Variants in C1orf159 observed in about 807,000 individuals in gnomAD.
C1orf159 encodes chromosome 1 open reading frame 159, also known as uncharacterized protein C1orf159.
C1orf159 carries 19 observed loss-of-function variants against 25.6 expected under a neutral mutation model. That is an observed-to-expected ratio of 0.74 (90% CI 0.52 to 1.09). The LOEUF is 1.09. Among genes scored for constraint, C1orf159 ranks in the 50% least tolerant of loss-of-function variants. C1orf159 has a pLI of 0.00. For missense variants in C1orf159, 274 were observed against 290.6 expected (o/e 0.94, Z 0.42); for synonymous variants, 139 against 124.7 (o/e 1.12, Z -0.77).
rs1189374651 is a variant in C1orf159 at position 1,110,431 on chromosome 1, A to G, written c.-136+5629T>C. Among the ~76,000 whole-genome samples the G allele has an allele frequency of 6.6e-6, 1 of 152,212 alleles. No homozygotes were observed. Among genetic ancestry groups the G allele is most frequent in the African/African-American group, 2.4e-5 (1 of 41,450 alleles). ...CACGTACCAGACAAAAGCCCTGAAT[A>G]TGGAATATATAAAGGACTTTCACAA... On this transcript the variant is annotated intron_variant, in intron 1 of 9. Transcript: ENST00000421241. This position sits in a 1 kb window ranked among gnomAD's most constrained non-coding sequence, Gnocchi z 4.8.
At position 1,110,895 on chromosome 1, in the gene C1orf159, G is replaced by A. The variant is rs1646248539; in HGVS notation, c.-136+5165C>T. 6.6e-6 allele frequency among the ~76,000 whole-genome samples: 1 copy of A among 152,254 alleles called. No individual in the cohort carries two copies. The highest frequency in any genetic ancestry group is 2.4e-5 in the African/African-American group (1 of 41,468). The stretch of plus-strand genomic sequence containing the variant: ...CCGCACGTGTGACTCCTAACACTCA[G>A]AGTGTCGGTAAAATCACAGCAGCGC... On this transcript the variant is annotated intron_variant, in intron 1 of 9. Transcript: ENST00000421241. This position sits in a 1 kb window ranked among gnomAD's most constrained non-coding sequence, Gnocchi z 4.8.
At position 1,093,037 on chromosome 1, in the gene C1orf159, C is replaced by CA. The variant is rs1339912282; in HGVS notation, c.-135-935dup. Among the ~76,000 whole-genome samples the CA allele has an allele frequency of 5.0e-3, 717 of 142,390 alleles. 4 individuals are homozygous for CA. The highest frequency in any genetic ancestry group is 0.015 in the African/African-American group (564 of 38,876). 93.4% of individuals were successfully genotyped at this position (142,390 alleles called of 152,430 possible). ...AGCCTGTGCAAGGGGAACTCCGTCTCAAAAAAAAAAAGCATGCTCTCCTCT... is the reference window on the plus strand; with the variant it reads ...AGCCTGTGCAAGGGGAACTCCGTCTCAAAAAAAAAAAAGCATGCTCTCCTCT... On this transcript the variant is annotated intron_variant, in intron 1 of 9. Transcript: ENST00000421241.
At position 1,110,672 on chromosome 1, in the gene C1orf159, G is replaced by A. The variant is rs776616243; in HGVS notation, c.-136+5388C>T. 2.0e-5 allele frequency among the ~76,000 whole-genome samples: 3 copies of A among 151,788 alleles called. No homozygotes were observed. Among genetic ancestry groups the A allele is most frequent in the Admixed American group, 6.6e-5 (1 of 15,266 alleles). Reference sequence around the variant, plus strand: ...GGGATGCAGCCTTCCCCCCGGGCACGTTCCCAAGAGAAACAACACACGCCC... The same window carrying A: ...GGGATGCAGCCTTCCCCCCGGGCACATTCCCAAGAGAAACAACACACGCCC... On this transcript the variant is annotated intron_variant, in intron 1 of 9. Transcript: ENST00000421241. This position sits in a 1 kb window ranked among gnomAD's most constrained non-coding sequence, Gnocchi z 4.8.
rs770677560 is a variant in C1orf159, at chr1:1,090,942, C to T, written c.73-514G>A. ...ACAGGCCTGGGGGGCTCAGGGTACC[C>T]TCAGCTTGTGTGTTGATCACAGCTG... On this transcript the variant is annotated intron_variant, in intron 3 of 9. Transcript: ENST00000421241. 2.3e-4 allele frequency: 359 copies of T among 1,550,400 alleles called. 1 individual carries two copies. The highest frequency in any genetic ancestry group is 4.3e-4 in the South Asian group (36 of 84,060).
intron 1 of C1orf159, among the ~76,000 whole-genome samples, chr1:1,094,304 C>T (rs1645981242): frequency 6.6e-6 from 1 of 152,184 alleles, no homozygotes; most frequent in Non-Finnish European, 1.5e-5. Flanking sequence ...TCTCGAGTAG[C>T]TGAGACTAGA....
At position 1,082,090 on chromosome 1, in the gene C1orf159, C is replaced by T. The variant is rs1328793687; in HGVS notation, c.*803G>A. 1 of 152,548 alleles carries T rather than the reference C, an allele frequency of 6.6e-6. No individual in the cohort carries two copies. Among genetic ancestry groups the T allele is most frequent in the African/African-American group, 2.4e-5 (1 of 41,476 alleles). The allele number at this position is 152,548 out of a possible 1,614,324, so 9.4% of individuals were successfully genotyped here. A position where few individuals can be genotyped will look rare whatever the true frequency, so the allele number is the denominator to read the frequency against. On this transcript the variant is annotated 3_prime_UTR_variant, in exon 10 of 10. Coordinates refer to ENST00000421241, the MANE Select transcript of C1orf159 (RefSeq NM_017891.5). ...CTCCCAGGAACTCCGGGAGGGACCC[C>T]AGGACTCAGCGCCAGGGCAGCCTTG...
chr1:1,110,944 C>T lies in C1orf159; in HGVS notation c.-136+5116G>A, dbSNP rs1324926371. Among the ~76,000 whole-genome samples, 4 of 152,206 alleles carry T rather than the reference C, an allele frequency of 2.6e-5. No homozygotes were observed. The highest frequency in any genetic ancestry group is 1.9e-4 in the East Asian group (1 of 5,196). On this transcript the variant is annotated intron_variant, in intron 1 of 9. Coordinates refer to ENST00000421241, the MANE Select transcript of C1orf159 (RefSeq NM_017891.5). The surrounding 1 kb of genome is among the most constrained non-coding windows in gnomAD (Gnocchi z 4.8). ...GCTCCTGTCTGGCGCGGCAGGCGGG[C>T]GCTGGAGCAGCCTGCGAGGCAATCT... is the stretch of plus-strand genomic sequence containing the variant.
chr1:1,083,476 G>C (rs537972817), intron 9 of C1orf159: 1 of 218,232 alleles, frequency 4.6e-6, no homozygotes, highest in South Asian at 7.7e-5. Context: ...ACGCAGAGGT[G>C]GGGGAGACGC....
chr1:1,091,444 C>T (rs1368304788), intron 3 of C1orf159, 28 bp downstream of exon 3: 13 of 1,544,836 alleles, frequency 8.4e-6, no homozygotes, highest in Admixed American at 3.9e-5. Flanking sequence ...TGGCTTAGGC[C>T]GCGTGGACAC....
intron 2 of C1orf159, 51 bp downstream of exon 2, chr1:1,091,940 G>C (rs1040114319): frequency 2.2e-6 from 1 of 456,414 alleles, no homozygotes; most frequent in Non-Finnish European, 4.4e-6. Flanking sequence ...AAGAGTGAAG[G>C]CTTGGGGCCT....
chr1:1,102,272 G>T (rs1646112106), intron 1 of C1orf159, among the ~76,000 whole-genome samples: 1 of 151,630 alleles, frequency 6.6e-6, no homozygotes, highest in African/African-American at 2.4e-5. Flanking sequence ...TTACCCATGT[G>T]TTAGACATGT....
intron 1 of C1orf159, among the ~76,000 whole-genome samples, chr1:1,100,611 C>A (rs1362248119): frequency 6.6e-6 from 1 of 152,084 alleles, no homozygotes; most frequent in African/African-American, 2.4e-5. Flanking sequence ...TCAGGTCTAC[C>A]GTTTTTACCG....
At chr1:1,115,595 C>G (rs1266374323) in intron 1 of C1orf159, among the ~76,000 whole-genome samples, 5 of 107,450 alleles carry the variant, frequency 4.7e-5, no homozygotes, top group Admixed American at 4.3e-4. Flanking sequence ...GCCCCGGGAA[C>G]CCTTCCCCTC....
chr1:1,111,023 T>G (rs1332214560), intron 1 of C1orf159, among the ~76,000 whole-genome samples: 1 of 152,224 alleles, frequency 6.6e-6, no homozygotes, highest in Non-Finnish European at 1.5e-5. Context: ...GAATCCTTTG[T>G]CAAAACAATT....
chr1:1,091,215 C>T (rs1438022458), intron 3 of C1orf159: 12 of 615,494 alleles, frequency 1.9e-5, no homozygotes, highest in Admixed American at 1.2e-4. Flanking sequence ...GCTCCCATTG[C>T]GGGCCAGGAT....
chr1:1,112,254 G>T lies in C1orf159; in HGVS notation c.-136+3806C>A, dbSNP rs79584542. Among the ~76,000 whole-genome samples, 1,104 of 152,366 alleles carry T rather than the reference G, an allele frequency of 7.2e-3. 31 individuals carry two copies. Among genetic ancestry groups the T allele is most frequent in the Admixed American group, 0.061 (929 of 15,300 alleles). The stretch of plus-strand genomic sequence containing the variant: ...CCCGATACGATCTCAGGAACTGGGC[G>T]AGTTGGCTCAAGCGTGTGCACTGAG... On this transcript the variant is annotated intron_variant, in intron 1 of 9. Coordinates refer to ENST00000421241, the MANE Select transcript of C1orf159 (RefSeq NM_017891.5).
chr1:1,092,326 C>T (rs954877344), intron 1 of C1orf159: 30 of 204,522 alleles, frequency 1.5e-4, no homozygotes, highest in Admixed American at 6.8e-4. Flanking sequence ...TACAGGCCCT[C>T]GCTGGGATAC....
At chr1:1,115,743 C>G (rs1215037664) in intron 1 of C1orf159, among the ~76,000 whole-genome samples, 1 of 117,538 alleles carries the variant, frequency 8.5e-6, no homozygotes, top group Non-Finnish European at 1.8e-5. Flanking sequence ...GGACCCCCTC[C>G]CCACCCCTCC....
chr1:1,085,239 C>A, intron 7 of C1orf159: 1 of 424,290 alleles, frequency 2.4e-6, no homozygotes, highest in Non-Finnish European at 4.8e-6. Flanking sequence ...CACAGTCTGG[C>A]CAAGTGCTCA....
Sources: gnomAD v4.1 joint callset for allele counts (sites outside exome capture counted in the v4.1 genomes callset) on GRCh38, gnomAD v4.1.1 for gene constraint, Gnocchi (gnomAD v3.1) non-coding constraint, MANE v1.5 for transcripts, NCBI Gene and HGNC (gene_info 2026-07-23, HGNC 2026-07-21) for gene names.